PREX1: variants seen among roughly 807,000 people sequenced by gnomAD.
The protein encoded by PREX1 is phosphatidylinositol-3,4,5-trisphosphate dependent Rac exchange factor 1.
A neutral mutation model predicts 198.3 loss-of-function variants in PREX1; 41 were observed. The ratio of observed to expected loss-of-function variants is 0.21; its 90% CI spans 0.16 to 0.27. The LOEUF is 0.27. Ranked by LOEUF, PREX1 falls within the 10% of genes least tolerant of loss-of-function variation. The pLI is 1.00. For synonymous variants in PREX1, 843 were observed against 887.2 expected (o/e 0.95, Z 0.89); for missense variants, 1,620 against 2,200.7 (o/e 0.74, Z 5.28).
chr20:48,634,065 G>GGGAT (rs1216377272), intron 33 of PREX1, among the ~76,000 whole-genome samples: 14 of 114,020 alleles, frequency 1.2e-4, no homozygotes, highest in South Asian at 3.4e-4. Context: ...ATGGATGAGT[G>GGGAT]GGATGGATGG....
intron 3 of PREX1, among the ~76,000 whole-genome samples, chr20:48,738,925 G>A (rs4809724): frequency 0.16 from 23,701 of 152,168 alleles, 2,305 homozygotes; most frequent in Non-Finnish European, 0.22. Context: ...TGAGAATCAG[G>A]TCTCAGTTTC....
chr20:48,678,948 G>A (rs1821564567), intron 13 of PREX1, among the ~76,000 whole-genome samples: 1 of 152,200 alleles, frequency 6.6e-6, no homozygotes, highest in South Asian at 2.1e-4. Context: ...GGCGTTTGAA[G>A]GAAGTGAGGG....
chr20:48,848,757 G>A, the PREX1 span, among the ~76,000 whole-genome samples: 1 of 152,094 alleles, frequency 6.6e-6, no homozygotes, highest in African/African-American at 2.4e-5. Flanking sequence ...AGGGGGGGTG[G>A]TTGGAGTCTC....
intron 1 of PREX1, among the ~76,000 whole-genome samples, chr20:48,783,694 T>C (rs2090300122): frequency 6.6e-6 from 1 of 152,156 alleles, no homozygotes. Flanking sequence ...AATCATACCC[T>C]GCCTGTCTCA....
At chr20:48,797,576 A>C (rs1186458579) in intron 1 of PREX1, among the ~76,000 whole-genome samples, 1 of 151,234 alleles carries the variant, frequency 6.6e-6, no homozygotes, top group Non-Finnish European at 1.5e-5. Context: ...GTCTCTGTTC[A>C]CTGCCCCTGT....
intron 6 of PREX1, among the ~76,000 whole-genome samples, chr20:48,701,298 G>A (rs376237100): frequency 1.3e-4 from 20 of 152,156 alleles, no homozygotes; most frequent in African/African-American, 4.1e-4. Flanking sequence ...TGCAACCTCC[G>A]CCGCTTGGGT....
the PREX1 span, among the ~76,000 whole-genome samples, chr20:48,854,687 G>A: frequency 3.9e-5 from 6 of 152,238 alleles, no homozygotes; most frequent in African/African-American, 1.4e-4. Flanking sequence ...TCACCATTAC[G>A]ATCATCCTCA....
intron 13 of PREX1, among the ~76,000 whole-genome samples, chr20:48,676,627 G>A (rs2089711291): frequency 6.6e-6 from 1 of 152,182 alleles, no homozygotes; most frequent in Admixed American, 6.5e-5. Flanking sequence ...TAGGGCAGGG[G>A]TGCTGCTGGC....
intron 3 of PREX1, among the ~76,000 whole-genome samples, chr20:48,744,557 G>A (rs550118930): frequency 6.6e-6 from 1 of 152,332 alleles, no homozygotes; most frequent in Admixed American, 6.5e-5. Flanking sequence ...GGAAGAGAGA[G>A]GCTATTGCAA....
intron 1 of PREX1, among the ~76,000 whole-genome samples, chr20:48,797,593 G>A (rs578097360): frequency 2.0e-5 from 3 of 151,870 alleles, no homozygotes; most frequent in Admixed American, 6.6e-5. Context: ...CTGTGTGCCC[G>A]CTCTTTCTCA....
chr20:48,652,368 A>C (rs2089505559), intron 21 of PREX1, among the ~76,000 whole-genome samples: 1 of 151,118 alleles, frequency 6.6e-6, no homozygotes, highest in Admixed American at 6.6e-5. Context: ...TGAACCAGGG[A>C]GGTTGGGGCT....
At chr20:48,784,373 T>C (rs2090302789) in intron 1 of PREX1, among the ~76,000 whole-genome samples, 2 of 152,146 alleles carry the variant, frequency 1.3e-5, no homozygotes, top group South Asian at 2.1e-4. Context: ...ATTCATGCAA[T>C]GTTGTTATTA....
chr20:48,876,992 G>A, the PREX1 span, among the ~76,000 whole-genome samples: 5 of 152,064 alleles, frequency 3.3e-5, no homozygotes, highest in African/African-American at 1.2e-4. Context: ...TATATAGGCC[G>A]GGCGCAATGG....
intron 4 of PREX1, among the ~76,000 whole-genome samples, chr20:48,728,199 G>A (rs1457111994): frequency 6.6e-6 from 1 of 152,208 alleles, no homozygotes; most frequent in Non-Finnish European, 1.5e-5. Flanking sequence ...TCCAAGCACT[G>A]GGGGGCTGCC....
intron 1 of PREX1, among the ~76,000 whole-genome samples, chr20:48,786,319 AC>A (rs2090312054): frequency 6.6e-6 from 1 of 152,078 alleles, no homozygotes; most frequent in Non-Finnish European, 1.5e-5. Context: ...GGCTAGGCAA[AC>A]CTACCCTTGG....
At chr20:48,747,094 G>C (rs1215862848) in intron 2 of PREX1, among the ~76,000 whole-genome samples, 2 of 151,830 alleles carry the variant, frequency 1.3e-5, no homozygotes, top group South Asian at 2.1e-4. Context: ...CAAATAATTC[G>C]GTGTAGAGCT....
At chr20:48,656,761 C>G (rs996136894) in intron 18 of PREX1, among the ~76,000 whole-genome samples, 10 of 152,226 alleles carry the variant, frequency 6.6e-5, no homozygotes. Flanking sequence ...TGCACATTGT[C>G]TGTCTCCTGC....
intron 25 of PREX1, 152 bp from the exon 26 acceptor site, chr20:48,646,209 G>C (rs2089449967): frequency 4.0e-6 from 3 of 744,564 alleles, no homozygotes; most frequent in Non-Finnish European, 4.4e-6. Context: ...GCTACACAAG[G>C]CTCTACCAGA....
chr20:48,723,687 C>T (rs1032903841), intron 5 of PREX1, among the ~76,000 whole-genome samples: 1 of 152,200 alleles, frequency 6.6e-6, no homozygotes. Flanking sequence ...TTCCTGCGGG[C>T]CATTTCCTCC....
Sources: gnomAD v4.1 joint callset for allele counts (sites outside exome capture counted in the v4.1 genomes callset) on GRCh38, gnomAD v4.1.1 for gene constraint, MANE v1.5 for transcripts, NCBI Gene and HGNC (gene_info 2026-07-23, HGNC 2026-07-21) for gene names.